ADAMTS7: variants seen among roughly 807,000 people sequenced by gnomAD.
ADAMTS7 encodes the protein ADAM metallopeptidase with thrombospondin type 1 motif 7, also known as A disintegrin and metalloproteinase with thrombospondin motifs 7.
A neutral mutation model predicts 172.6 loss-of-function variants in ADAMTS7; 89 were observed. That is an observed-to-expected ratio of 0.52 (90% CI 0.43 to 0.61). ADAMTS7 has a LOEUF of 0.61. ADAMTS7 is among the 20% of genes least tolerant of loss of function. ADAMTS7 has a pLI of 0.00. For missense variants in ADAMTS7, 1,973 were observed against 2,355.6 expected (o/e 0.84, Z 3.36); for synonymous variants, 885 against 978.4 (o/e 0.90, Z 1.78).
chr15:78,759,864 G>T (rs1318811974), intron 23 of ADAMTS7, among the ~76,000 whole-genome samples: 1 of 152,184 alleles, frequency 6.6e-6, no homozygotes, highest in Non-Finnish European at 1.5e-5. Flanking sequence ...GCCTGTTAAA[G>T]AGCCTGCCCA....
At chr15:78,785,976 T>C (rs376819861) in intron 8 of ADAMTS7, among the ~76,000 whole-genome samples, 11 of 100,646 alleles carry the variant, frequency 1.1e-4, no homozygotes, top group Admixed American at 2.9e-4. Context: ...GTTGCCCAGG[T>C]TGGAGTGCAG....
chr15:78,798,606 C>A (rs1057445065), intron 2 of ADAMTS7, among the ~76,000 whole-genome samples: 4 of 152,212 alleles, frequency 2.6e-5, no homozygotes, highest in African/African-American at 9.6e-5. Flanking sequence ...AAAGCATCCA[C>A]AGCCACACCC....
Position 78,763,807 on chromosome 15 carries a change from T to C in ADAMTS7, c.4632A>G (p.Leu1544=), listed in dbSNP as rs1309678251. ...EACGGGEQQR[L]VTCPEPGLCE... ...AGAGGCCTGGCTCCGGGCAGGTCACTAGACGCTGCTGCTCACCACCGCCAC... is the reference window on the plus strand; with the variant it reads ...AGAGGCCTGGCTCCGGGCAGGTCACCAGACGCTGCTGCTCACCACCGCCAC... The change falls in exon 22 of 24, where the codon CTA becomes CTG. Residue 1544 remains leucine (L), a synonymous_variant. Transcript: ENST00000388820. The C allele has an allele frequency of 6.3e-7, 1 of 1,582,822 alleles. No individual in the cohort carries two copies. The highest frequency in any genetic ancestry group is 1.1e-5 in the South Asian group (1 of 87,738).
intron 6 of ADAMTS7, 53 bp downstream of exon 6, chr15:78,790,617 G>A (rs2055565279): frequency 1.2e-6 from 2 of 1,603,550 alleles, no homozygotes; most frequent in Admixed American, 3.3e-5. Flanking sequence ...CTTCTGCAGG[G>A]CCGGGAAGCA....
At chr15:78,776,540 G>A (rs1478709207) in intron 10 of ADAMTS7, 10 of 824,354 alleles carry the variant, frequency 1.2e-5, no homozygotes, top group South Asian at 5.4e-5. Flanking sequence ...CCCACATGCT[G>A]ACTCAGCTGA....
intron 23 of ADAMTS7, among the ~76,000 whole-genome samples, chr15:78,761,741 T>TG (rs2055045991): frequency 6.6e-6 from 1 of 151,868 alleles, no homozygotes; most frequent in Non-Finnish European, 1.5e-5. Context: ...TGTGTGTGTG[T>TG]TGGCGTGTGT....
intron 8 of ADAMTS7, among the ~76,000 whole-genome samples, chr15:78,785,336 G>A (rs1447094063): frequency 1.3e-5 from 2 of 152,018 alleles, no homozygotes; most frequent in Admixed American, 6.5e-5. Context: ...AATCACTTGA[G>A]GTCAGGAGTT....
intron 7 of ADAMTS7, 151 bp downstream of exon 7, chr15:78,789,538 G>A: frequency 9.0e-7 from 1 of 1,116,958 alleles, no homozygotes; most frequent in Non-Finnish European, 1.3e-6. Flanking sequence ...GGAGGGGACA[G>A]TGCAGGGGCA....
intron 8 of ADAMTS7, among the ~76,000 whole-genome samples, chr15:78,780,683 C>A (rs1406030300): frequency 2.0e-5 from 3 of 152,170 alleles, no homozygotes; most frequent in Admixed American, 2.0e-4. Flanking sequence ...CAGTGCCCCC[C>A]CACCACCTCC....
At position 78,764,664 on chromosome 15, in the gene ADAMTS7, C is replaced by A; in HGVS notation, c.4310G>T (p.Arg1437Leu). 1 of 1,572,058 alleles carries A rather than the reference C, an allele frequency of 6.4e-7. No individual in the cohort carries two copies. Among genetic ancestry groups the A allele is most frequent in the South Asian group, 1.2e-5 (1 of 86,936 alleles). The change falls in exon 20 of 24, where the codon CGC becomes CTC. Residue 1437 changes from arginine (R) to leucine (L), a missense_variant. Coordinates refer to ENST00000388820, the MANE Select transcript of ADAMTS7 (RefSeq NM_014272.5). ...GTCCTCATCCCGGCCGGAGCTACAG[C>A]GCACCGGCCTCCAGACCGCACCCAG... ...CGLGAVWRPV[R>L]CSSGRDEDCA...
chr15:78,791,531 G>T (rs1674478001), intron 4 of ADAMTS7, among the ~76,000 whole-genome samples: 1 of 152,180 alleles, frequency 6.6e-6, no homozygotes, highest in Non-Finnish European at 1.5e-5. Context: ...CTGCTTCCCA[G>T]TACCAACTCC....
intron 23 of ADAMTS7, 71 bp downstream of exon 23, chr15:78,762,332 C>T (rs774682130): frequency 3.7e-6 from 5 of 1,336,506 alleles, no homozygotes; most frequent in Non-Finnish European, 4.8e-6. Flanking sequence ...AATGGTTTGA[C>T]GACCCCATTT....
intron 8 of ADAMTS7, among the ~76,000 whole-genome samples, chr15:78,781,955 T>C (rs2055433869): frequency 6.6e-6 from 1 of 152,178 alleles, no homozygotes; most frequent in Non-Finnish European, 1.5e-5. Context: ...GGCAGGCCCA[T>C]CATCATGTCC....
chr15:78,764,051 C>T lies in ADAMTS7; in HGVS notation c.4468G>A (p.Val1490Met), dbSNP rs368960389. 265 of 1,539,028 alleles carry T rather than the reference C, an allele frequency of 1.7e-4. 2 individuals carry two copies. The highest frequency in any genetic ancestry group is 3.9e-5 in the Non-Finnish European group (44 of 1,141,268). The change falls in exon 21 of 24, where the codon GTG becomes ATG. Residue 1490 changes from valine to methionine, a missense_variant. By Grantham distance (21) the Val-to-Met change is conservative. Coordinates refer to ENST00000388820, the MANE Select transcript of ADAMTS7 (RefSeq NM_014272.5). ...AGTGGCCGGAGGTCCCGTGTGTCCACACACTGCACGTCCCGCACTGAGGAA... is the reference window on the plus strand; with the variant it reads ...AGTGGCCGGAGGTCCCGTGTGTCCATACACTGCACGTCCCGCACTGAGGAA... ...GGSSVRDVQCVDTRDLRPLRP... is the reference protein window; with the variant it reads ...GGSSVRDVQCMDTRDLRPLRP...
At position 78,764,718 on chromosome 15, in the gene ADAMTS7, G is replaced by C. The variant is rs1270443293; in HGVS notation, c.4267-11C>G. The C allele has an allele frequency of 1.2e-5, 18 of 1,490,486 alleles. No individual in the cohort carries two copies. The highest frequency in any genetic ancestry group is 2.4e-5 in the East Asian group (1 of 41,054). The allele number at this position is 1,490,486 out of a possible 1,614,324, so 92.3% of individuals were successfully genotyped here. A position where few individuals can be genotyped will look rare whatever the true frequency, so the allele number is the denominator to read the frequency against. ...ACAGGTGGTAGAGCACTGCGGGGCA[G>C]AGACCCGTGAAAGCCAGGCAGATCC... On this transcript the variant is annotated splice_polypyrimidine_tract_variant and intron_variant, in intron 19 of 23. Transcript: ENST00000388820.
chr15:78,764,219 A>T, intron 20 of ADAMTS7, 120 bp from the exon 21 acceptor site: 1 of 1,360,134 alleles, frequency 7.4e-7, no homozygotes, highest in South Asian at 1.6e-5. Context: ...GAATAGCTGA[A>T]GAACCCCAGC....
At chr15:78,794,589 AT>A (rs1252235337) in intron 4 of ADAMTS7, among the ~76,000 whole-genome samples, 2 of 152,220 alleles carry the variant, frequency 1.3e-5, no homozygotes, top group Admixed American at 1.3e-4. Flanking sequence ...CACCAAGTGA[AT>A]GGGTAGGTCC....
chr15:78,803,996 G>T (rs1302236623), intron 1 of ADAMTS7, among the ~76,000 whole-genome samples: 1 of 152,140 alleles, frequency 6.6e-6, no homozygotes, highest in Non-Finnish European at 1.5e-5. Context: ...GGTCCCTTAG[G>T]CTGTGGACCC....
In ADAMTS7 at chr15:78,765,954, G is replaced by C. The variant is rs766056475; in HGVS notation, c.3957C>G (p.Thr1319=). The C allele has an allele frequency of 4.7e-5, 74 of 1,591,316 alleles. No individual in the cohort carries two copies. Among genetic ancestry groups the C allele is most frequent in the Non-Finnish European group, 1.4e-5 (16 of 1,173,614 alleles). The change falls in exon 19 of 24, where the codon ACC becomes ACG. Residue 1319 remains threonine (T), a synonymous_variant. Transcript: ENST00000388820. ...GCAGGTCCCATGAGCCTGGTCCTGGGGTTGGGAAGGAGGGAGTCCCCGGCT... is the reference window on the plus strand; with the variant it reads ...GCAGGTCCCATGAGCCTGGTCCTGGCGTTGGGAAGGAGGGAGTCCCCGGCT... ...SLEPGTPSFP[T]PGPGSWDLQT...
Sources: gnomAD v4.1 joint callset for allele counts (sites outside exome capture counted in the v4.1 genomes callset) on GRCh38, gnomAD v4.1.1 for gene constraint, MANE v1.5 for transcripts, NCBI Gene and HGNC (gene_info 2026-07-23, HGNC 2026-07-21) for gene names.